The following PLXDC1 variants were observed in gnomAD, a reference collection of about 807,000 sequenced individuals.
PLXDC1 encodes plexin domain-containing protein 1.
PLXDC1 carries 39 observed loss-of-function variants against 61.3 expected under a neutral mutation model. That is an observed-to-expected ratio of 0.64 (90% CI 0.49 to 0.83). The LOEUF (loss-of-function observed/expected upper bound fraction) is 0.83. Ranked by LOEUF, PLXDC1 falls within the 40% of genes least tolerant of loss-of-function variation. The pLI, the probability that PLXDC1 is intolerant of heterozygous loss-of-function variation, is 0.00. For missense variants in PLXDC1, 596 were observed against 666.5 expected, an observed-to-expected ratio of 0.89 and a Z score of 1.17; for synonymous variants, 212 against 254.5, an observed-to-expected ratio of 0.83 and a Z score of 1.59.
intron 13 of PLXDC1, among the ~76,000 whole-genome samples, chr17:39,068,645 C>G (rs1173899719): frequency 6.6e-6 from 1 of 152,190 alleles, no homozygotes; most frequent in Non-Finnish European, 1.5e-5. Flanking sequence ...CCACTGTACT[C>G]CAGCCTAGGC....
intron 2 of PLXDC1, among the ~76,000 whole-genome samples, chr17:39,121,187 T>C (rs1006559635): frequency 4.6e-5 from 7 of 152,196 alleles, no homozygotes; most frequent in Non-Finnish European, 5.9e-5. Flanking sequence ...CTTTAACCAA[T>C]TGCAAATTAA....
chr17:39,130,114 A>C (rs867364859), intron 2 of PLXDC1, among the ~76,000 whole-genome samples: 2 of 152,168 alleles, frequency 1.3e-5, no homozygotes, highest in African/African-American at 4.8e-5. Context: ...AGGAGTGAAC[A>C]GGGAGCAACT....
intron 7 of PLXDC1, among the ~76,000 whole-genome samples, chr17:39,102,581 T>C (rs1052571861): frequency 6.6e-6 from 1 of 152,116 alleles, no homozygotes; most frequent in Non-Finnish European, 1.5e-5. Flanking sequence ...GGTCCATCCA[T>C]GGAATGGACT....
chr17:39,116,606 A>C (rs1435389681), intron 2 of PLXDC1, among the ~76,000 whole-genome samples: 2 of 152,232 alleles, frequency 1.3e-5, no homozygotes, highest in Non-Finnish European at 2.9e-5. Context: ...TCCTGGACAC[A>C]GGAAGGTGTC....
chr17:39,083,440 G>A lies in PLXDC1; in HGVS notation c.989+19C>T, dbSNP rs762364460. ...CACAGTCGGCCAGTGGGAGTCAGCA[G>A]GTAACCCTGGGCACAAACCTCTGGA... On this transcript the variant is annotated intron_variant, in intron 9 of 13. Transcript: ENST00000315392. The A allele has an allele frequency of 6.2e-7, 1 of 1,609,052 alleles. No individual in the cohort carries two copies. The highest frequency in any genetic ancestry group is 1.7e-5 in the Admixed American group (1 of 59,920).
intron 7 of PLXDC1, among the ~76,000 whole-genome samples, chr17:39,100,009 C>A (rs995210223): frequency 6.6e-6 from 1 of 152,278 alleles, no homozygotes; most frequent in East Asian, 1.9e-4. Flanking sequence ...CCCTGGTTTG[C>A]GTCTTCCTCG....
At chr17:39,142,491 T>C (rs16503) in intron 1 of PLXDC1, among the ~76,000 whole-genome samples, 502 of 152,322 alleles carry the variant, frequency 3.3e-3, no homozygotes, top group Non-Finnish European at 5.6e-3. Flanking sequence ...TTAGGTTCCA[T>C]GATCTCCTCT....
chr17:39,094,896 C>T (rs1314865655), intron 7 of PLXDC1, among the ~76,000 whole-genome samples: 1 of 152,168 alleles, frequency 6.6e-6, no homozygotes, highest in Non-Finnish European at 1.5e-5. Flanking sequence ...GGAGAGCTGG[C>T]TTTCAGGATT....
In PLXDC1 at chr17:39,079,092, T is replaced by TA. The variant is rs1352479797; in HGVS notation, c.1050+11dup. ...TGGCACAGGAGTTGCAGCAGATACT[T>TA]ATGCTTCTCACCTCCTGTGCACAGC... On this transcript the variant is annotated intron_variant, in intron 10 of 13. Transcript: ENST00000315392. 4 of 1,611,660 alleles carry TA rather than the reference T, an allele frequency of 2.5e-6. No individual in the cohort carries two copies. The highest frequency in any genetic ancestry group is 1.7e-6 in the Non-Finnish European group (2 of 1,178,068).
Position 39,151,337 on chromosome 17 carries a change from C to G in PLXDC1, c.76+25G>C. Reference sequence around the variant, plus strand: ...CCGTCCCTCCCCGCCCCCGGCCCACCCGGGCCGGCTCCCGCCAGTCCTACC... The same window carrying G: ...CCGTCCCTCCCCGCCCCCGGCCCACGCGGGCCGGCTCCCGCCAGTCCTACC... On this transcript the variant is annotated intron_variant, in intron 1 of 13. Coordinates refer to ENST00000315392, the MANE Select transcript of PLXDC1 (RefSeq NM_020405.5). This position sits in a 1 kb window ranked among gnomAD's most constrained non-coding sequence, Gnocchi z 5.2. The G allele has an allele frequency of 3.1e-6, 4 of 1,271,820 alleles. No individual in the cohort carries two copies. Among genetic ancestry groups the G allele is most frequent in the Non-Finnish European group, 4.0e-6 (4 of 1,008,036 alleles). 78.8% of individuals were successfully genotyped at this position (1,271,820 alleles called of 1,614,324 possible).
intron 2 of PLXDC1, among the ~76,000 whole-genome samples, chr17:39,114,905 T>A (rs1910919373): frequency 6.6e-6 from 1 of 152,174 alleles, no homozygotes; most frequent in African/African-American, 2.4e-5. Flanking sequence ...CCTCCGGGCG[T>A]CTGAAATGAG....
chr17:39,117,422 C>T (rs181092407), intron 2 of PLXDC1, among the ~76,000 whole-genome samples: 29 of 152,236 alleles, frequency 1.9e-4, no homozygotes, highest in African/African-American at 7.0e-4. Context: ...AAAAGTCAAC[C>T]GCAATGTCCA....
At chr17:39,091,278 C>T (rs1298312099) in intron 7 of PLXDC1, among the ~76,000 whole-genome samples, 2 of 152,094 alleles carry the variant, frequency 1.3e-5, no homozygotes, top group African/African-American at 4.8e-5. Flanking sequence ...GAGGGCTGCT[C>T]AGAGAGTACT....
At chr17:39,076,241 G>C (rs1909330395) in intron 11 of PLXDC1, among the ~76,000 whole-genome samples, 1 of 152,092 alleles carries the variant, frequency 6.6e-6, no homozygotes, top group South Asian at 2.1e-4. Context: ...AGGCATGGGG[G>C]CTTAGGCCTG....
At chr17:39,122,830 T>C (rs1303440002) in intron 2 of PLXDC1, among the ~76,000 whole-genome samples, 1 of 152,246 alleles carries the variant, frequency 6.6e-6, no homozygotes, top group Non-Finnish European at 1.5e-5. Flanking sequence ...CAGTGTGATA[T>C]GGATTTCAAA....
intron 7 of PLXDC1, among the ~76,000 whole-genome samples, chr17:39,091,987 G>C (rs1346369792): frequency 6.8e-6 from 1 of 147,528 alleles, no homozygotes; most frequent in Admixed American, 6.8e-5. Context: ...AAAAAATCAA[G>C]TTGTCTTGCC....
At chr17:39,081,801 G>A (rs1909571723) in intron 9 of PLXDC1, among the ~76,000 whole-genome samples, 1 of 152,044 alleles carries the variant, frequency 6.6e-6, no homozygotes, top group Admixed American at 6.6e-5. Flanking sequence ...AAAATGGCCG[G>A]GTGTGGTGGT....
At chr17:39,101,274 G>A (rs571374313) in intron 7 of PLXDC1, among the ~76,000 whole-genome samples, 1 of 152,350 alleles carries the variant, frequency 6.6e-6, no homozygotes, top group South Asian at 2.1e-4. Context: ...TTTGAGAAAG[G>A]GAAGGAGGGA....
At chr17:39,143,459 C>T (rs901535151) in intron 1 of PLXDC1, among the ~76,000 whole-genome samples, 13 of 152,196 alleles carry the variant, frequency 8.5e-5, no homozygotes, top group Admixed American at 3.3e-4. Flanking sequence ...TTGAGTTCCC[C>T]CAGGATTCTC....
Sources: allele counts gnomAD v4.1 joint callset (sites outside exome capture counted in the v4.1 genomes callset), GRCh38; gene constraint gnomAD v4.1.1; non-coding constraint Gnocchi (gnomAD v3.1); transcripts MANE v1.5; gene names NCBI Gene and HGNC (gene_info 2026-07-23, HGNC 2026-07-21).